The following KNTC1 variants were observed in gnomAD, a reference collection of about 807,000 sequenced individuals.
The protein encoded by KNTC1 is kinetochore associated 1.
KNTC1 carries 253 observed loss-of-function variants against 314.4 expected under a neutral mutation model. That is an observed-to-expected ratio of 0.80 (90% CI 0.73 to 0.89). The LOEUF (loss-of-function observed/expected upper bound fraction) is 0.89, where lower values mean the gene tolerates loss of function less well. Ranked by LOEUF, KNTC1 falls within the 40% of genes least tolerant of loss-of-function variation. The probability of loss-of-function intolerance (pLI) is 0.00; values close to 1 mark genes in which losing one functional copy is unlikely to be tolerated. For synonymous variants in KNTC1, 901 were observed against 901.4 expected, an observed-to-expected ratio of 1.00 and a Z score of 0.01; for missense variants, 2,475 against 2,572.9, an observed-to-expected ratio of 0.96 and a Z score of 0.82.
At chr12:122,591,497 C>G (rs377261258) in intron 42 of KNTC1, 44 bp downstream of exon 42, 1 of 1,014,742 alleles carries the variant, frequency 9.9e-7, no homozygotes, top group South Asian at 1.3e-5. Flanking sequence ...GTTAATTACC[C>G]GGTTGGAAAA....
In KNTC1 at chr12:122,620,590, A is replaced by G; in HGVS notation, c.6261A>G (p.Lys2087=). 6.2e-7 allele frequency: 1 copy of G among 1,613,638 alleles called. No individual in the cohort carries two copies. Among genetic ancestry groups the G allele is most frequent in the South Asian group, 1.1e-5 (1 of 91,046 alleles). Residue 2087 remains lysine, a synonymous_variant, in exon 60 of 64, where the codon AAA becomes AAG. Coordinates refer to ENST00000333479, the MANE Select transcript of KNTC1 (RefSeq NM_014708.6). ...ACLMLMPHSE[K]RHQQIKNFLG... is the part of the protein sequence containing the mutation. ...TGATGCTCATGCCCCACTCAGAGAA[A>G]AGACACCAGCAAATTAAGGTATCGT...
chr12:122,602,405 A>C, intron 45 of KNTC1, 164 bp from the exon 46 acceptor site: 1 of 529,834 alleles, frequency 1.9e-6, no homozygotes, highest in Non-Finnish European at 3.3e-6. Context: ...ATTATAGTTT[A>C]GATGAATAAT....
intron 18 of KNTC1, among the ~76,000 whole-genome samples, chr12:122,558,829 C>G (rs1288179802): frequency 1.3e-5 from 2 of 152,110 alleles, no homozygotes; most frequent in East Asian, 3.9e-4. Context: ...TGAGCCAAAA[C>G]TGCGCCACAG....
rs111527941 is a variant in KNTC1 at position 122,610,500 on chromosome 12, G to A, written c.5544-322G>A. Among the ~76,000 whole-genome samples, 1,175 of 152,274 alleles carry A rather than the reference G, an allele frequency of 7.7e-3. 6 individuals are homozygous for A. The highest frequency in any genetic ancestry group is 0.026 in the African/African-American group (1,062 of 41,556). ...CCAAACACAGAATTTCCCATGTGTAGCATTCAAGGGACTTTACAGCTACAG... is the reference window on the plus strand; with the variant it reads ...CCAAACACAGAATTTCCCATGTGTAACATTCAAGGGACTTTACAGCTACAG... On this transcript the variant is annotated intron_variant, in intron 52 of 63. Coordinates refer to ENST00000333479, the MANE Select transcript of KNTC1 (RefSeq NM_014708.6).
At chr12:122,612,145 A>G (rs544040404) in intron 53 of KNTC1, among the ~76,000 whole-genome samples, 148 of 151,358 alleles carry the variant, frequency 9.8e-4, no homozygotes, top group Middle Eastern at 6.8e-3. Context: ...GGCTCACTGC[A>G]ACCTCCGCCT....
rs118030114 is a variant in KNTC1, at chr12:122,624,457, A to C, written c.6516-141A>C. On this transcript the variant is annotated intron_variant, in intron 62 of 63. Coordinates refer to ENST00000333479, the MANE Select transcript of KNTC1 (RefSeq NM_014708.6). ...CTAATTTTATATTTTTTGTAGAGAC[A>C]GGGCTTTGCCATGTTGCCCAGGCTA... is the stretch of plus-strand genomic sequence containing the variant. The C allele has an allele frequency of 9.7e-3, 5,277 of 546,810 alleles. 135 individuals carry two copies. The highest frequency in any genetic ancestry group is 0.072 in the East Asian group (2,245 of 31,064). The allele number at this position is 546,810 out of a possible 1,614,324, so 33.9% of individuals were successfully genotyped here.
At chr12:122,542,398 T>C (rs1962411135) in intron 6 of KNTC1, among the ~76,000 whole-genome samples, 1 of 152,182 alleles carries the variant, frequency 6.6e-6, no homozygotes, top group Non-Finnish European at 1.5e-5. Context: ...AGACAAGACA[T>C]ATGCTAGCAC....
intron 51 of KNTC1, among the ~76,000 whole-genome samples, chr12:122,605,632 G>A (rs1872506640): frequency 6.6e-6 from 1 of 152,156 alleles, no homozygotes; most frequent in South Asian, 2.1e-4. Flanking sequence ...TGCAACCTCT[G>A]CCTCCTGGGT....
At chr12:122,594,693 G>A (rs1360639610) in intron 43 of KNTC1, among the ~76,000 whole-genome samples, 4 of 152,202 alleles carry the variant, frequency 2.6e-5, no homozygotes, top group South Asian at 2.1e-4. Context: ...CCTAGAAATC[G>A]CTGGTCTCTA....
chr12:122,618,402 TTC>T lies in KNTC1; in HGVS notation c.6085+6_6085+7del. On this transcript the variant is annotated splice_donor_region_variant and intron_variant, in intron 58 of 63. Transcript: ENST00000333479. The stretch of plus-strand genomic sequence containing the variant: ...TACAGATACCACTGCTTTCAGGTAT[TTC>T]GCTCTCTGAAACATTGGCTACAGCA... The T allele has an allele frequency of 6.2e-7, 1 of 1,613,712 alleles. No homozygotes were observed. The highest frequency in any genetic ancestry group is 8.5e-7 in the Non-Finnish European group (1 of 1,179,630).
chr12:122,620,574 T>G lies in KNTC1; in HGVS notation c.6245T>G (p.Met2082Arg), dbSNP rs750453851. The change falls in exon 60 of 64, where the codon ATG (methionine) becomes AGG (arginine). Residue 2082 changes from methionine to arginine, a missense_variant. Met to Arg is a moderately conservative substitution (Grantham distance 91). Transcript: ENST00000333479. ...PAFALACLML[M>R]PHSEKRHQQI... ...TTTGCATTAGCTTGTCTGATGCTCA[T>G]GCCCCACTCAGAGAAAAGACACCAG... 6.2e-7 allele frequency: 1 copy of G among 1,613,730 alleles called. No homozygotes were observed. Among genetic ancestry groups the G allele is most frequent in the Non-Finnish European group, 8.5e-7 (1 of 1,179,722 alleles).
At chr12:122,586,826 T>TA in intron 38 of KNTC1, 69 bp downstream of exon 38, 24 of 536,202 alleles carry the variant, frequency 4.5e-5, no homozygotes, top group South Asian at 5.6e-5. Flanking sequence ...TTATTTTATT[T>TA]TTTTGAGACA....
At chr12:122,589,515 G>A (rs1869848348) in intron 40 of KNTC1, among the ~76,000 whole-genome samples, 2 of 147,146 alleles carry the variant, frequency 1.4e-5, no homozygotes, top group Non-Finnish European at 1.5e-5. Context: ...CTGTCACCTA[G>A]GCTATAGTGC....
rs1482968730 is a variant in KNTC1 at position 122,613,202 on chromosome 12, C to G, written c.5713C>G (p.Leu1905Val). The G allele has an allele frequency of 1.2e-6, 2 of 1,608,864 alleles. No homozygotes were observed. Among genetic ancestry groups the G allele is most frequent in the Non-Finnish European group, 1.7e-6 (2 of 1,175,968 alleles). The change falls in exon 54 of 64, where the codon CTC becomes GTC. Residue 1905 changes from leucine to valine, a missense_variant. Leu to Val is a conservative substitution (Grantham distance 32, BLOSUM62 1). Transcript: ENST00000333479. ...YLADKETIES[L>V]FKKPIEEVKS... Reference sequence around the variant, plus strand: ...GGCTGACAAGGAAACTATAGAATCTCTCTTTAAAAAACCCATTGAAGAAGT... The same window carrying G: ...GGCTGACAAGGAAACTATAGAATCTGTCTTTAAAAAACCCATTGAAGAAGT...
At chr12:122,614,018 A>ACG (rs1873480360) in intron 55 of KNTC1, among the ~76,000 whole-genome samples, 1 of 152,082 alleles carries the variant, frequency 6.6e-6, no homozygotes, top group Non-Finnish European at 1.5e-5. Flanking sequence ...TTTAGTAGAG[A>ACG]TGAGGTTTCA....
chr12:122,617,982 T>A (rs1873951942), intron 57 of KNTC1, among the ~76,000 whole-genome samples: 1 of 152,192 alleles, frequency 6.6e-6, no homozygotes, highest in African/African-American at 2.4e-5. Context: ...TTTCAGAACA[T>A]TTAGGCTGCA....
At chr12:122,553,632 A>T (rs1963348433) in intron 16 of KNTC1, among the ~76,000 whole-genome samples, 1 of 152,140 alleles carries the variant, frequency 6.6e-6, no homozygotes, top group African/African-American at 2.4e-5. Context: ...AGGGTCGGAG[A>T]CACCAGTGTA....
chr12:122,580,725 C>G lies in KNTC1; in HGVS notation c.2982+55C>G, dbSNP rs1344917671. The G allele has an allele frequency of 7.1e-6, 9 of 1,265,214 alleles. No homozygotes were observed. In the Admixed American group the frequency reaches 2.1e-4, roughly 29 times the overall value. The allele number at this position is 1,265,214 out of a possible 1,614,324, so 78.4% of individuals were successfully genotyped here. A position where few individuals can be genotyped will look rare whatever the true frequency, so the allele number is the denominator to read the frequency against. On this transcript the variant is annotated intron_variant, in intron 33 of 63. Coordinates refer to ENST00000333479, the MANE Select transcript of KNTC1 (RefSeq NM_014708.6). ...TTACTTGACCAATCAGTGCATTTTT[C>G]CCTCCTTAAAGTTTTCTGTATGGCT...
chr12:122,617,567 C>T (rs573625460), intron 57 of KNTC1: 29 of 208,154 alleles, frequency 1.4e-4, no homozygotes, highest in South Asian at 9.5e-4. Flanking sequence ...TTTCTCTTGT[C>T]CCCTTCCTTC....
Sources: allele counts gnomAD v4.1 joint callset (sites outside exome capture counted in the v4.1 genomes callset), GRCh38; gene constraint gnomAD v4.1.1; transcripts MANE v1.5; gene names NCBI Gene and HGNC (gene_info 2026-07-23, HGNC 2026-07-21).